The following NKAIN2 variants were observed in gnomAD, a reference collection of about 807,000 sequenced individuals.
NKAIN2 encodes the protein sodium/potassium transporting ATPase interacting 2.
A neutral mutation model predicts 32.6 loss-of-function variants in NKAIN2; 14 were observed. That is an observed-to-expected ratio of 0.43 (90% confidence interval 0.28 to 0.67). The LOEUF is 0.67. Ranked by LOEUF, NKAIN2 falls within the 30% of genes least tolerant of loss-of-function variation. The pLI is 0.17. For missense variants in NKAIN2, 198 were observed against 258.3 expected, an observed-to-expected ratio of 0.77 and a Z score of 1.60; for synonymous variants, 80 against 87.2, an observed-to-expected ratio of 0.92 and a Z score of 0.46.
intron 4 of NKAIN2, among the ~76,000 whole-genome samples, chr6:124,762,309 A>T (rs1301549706): frequency 6.6e-6 from 1 of 152,010 alleles, no homozygotes. Context: ...TCCTCTTCTC[A>T]TAAGGACATT....
At chr6:124,789,459 C>T (rs1189107627) in intron 4 of NKAIN2, among the ~76,000 whole-genome samples, 3 of 151,926 alleles carry the variant, frequency 2.0e-5, no homozygotes, top group East Asian at 1.9e-4. Context: ...ACCCATAGGC[C>T]GTTTACCTAG....
chr6:123,970,910 A>G (rs922283233), intron 1 of NKAIN2, among the ~76,000 whole-genome samples: 4 of 152,148 alleles, frequency 2.6e-5, no homozygotes, highest in African/African-American at 9.7e-5. Flanking sequence ...AGAAATATTT[A>G]TTTTTTAAGA....
intron 1 of NKAIN2, among the ~76,000 whole-genome samples, chr6:124,178,522 C>A (rs1435004646): frequency 1.3e-5 from 2 of 152,114 alleles, no homozygotes; most frequent in East Asian, 3.9e-4. Context: ...TGGTCTCAAT[C>A]TCCTGATCTT....
At chr6:123,968,854 C>A (rs1313625386) in intron 1 of NKAIN2, among the ~76,000 whole-genome samples, 1 of 152,134 alleles carries the variant, frequency 6.6e-6, no homozygotes, top group African/African-American at 2.4e-5. Context: ...TGAGCCTTCA[C>A]CCTCCTCAGA....
At chr6:124,300,694 A>G (rs1418826362) in intron 2 of NKAIN2, among the ~76,000 whole-genome samples, 1 of 152,198 alleles carries the variant, frequency 6.6e-6, no homozygotes, top group Non-Finnish European at 1.5e-5. Flanking sequence ...GTGGTCTCAG[A>G]TGGAGAGGAG....
chr6:124,415,834 T>A (rs1251898865), intron 3 of NKAIN2, among the ~76,000 whole-genome samples: 1 of 150,452 alleles, frequency 6.6e-6, no homozygotes, highest in Non-Finnish European at 1.5e-5. Context: ...ATAGGTTTCA[T>A]TGATTTTTAT....
At chr6:124,485,171 C>G (rs1562214501) in intron 3 of NKAIN2, among the ~76,000 whole-genome samples, 1 of 152,118 alleles carries the variant, frequency 6.6e-6, no homozygotes. Context: ...TGGGCCAGGA[C>G]CAGCAGCAGC....
At chr6:124,369,110 A>T (rs1314197622) in intron 3 of NKAIN2, among the ~76,000 whole-genome samples, 1 of 152,184 alleles carries the variant, frequency 6.6e-6, no homozygotes, top group Non-Finnish European at 1.5e-5. Context: ...CCAAGATAGT[A>T]TCCTGCTGGA....
chr6:124,349,098 C>T (rs570514894), intron 2 of NKAIN2, among the ~76,000 whole-genome samples: 4 of 152,122 alleles, frequency 2.6e-5, no homozygotes, highest in African/African-American at 7.2e-5. Flanking sequence ...AGGAAAAAAC[C>T]GGGTTCTTAT....
chr6:124,296,704 A>G (rs924905026), intron 2 of NKAIN2, among the ~76,000 whole-genome samples: 1 of 152,174 alleles, frequency 6.6e-6, no homozygotes. Context: ...TGATCTGTGG[A>G]TAAGTTATGG....
At chr6:124,116,846 T>C (rs1785640792) in intron 1 of NKAIN2, among the ~76,000 whole-genome samples, 1 of 152,114 alleles carries the variant, frequency 6.6e-6, no homozygotes, top group African/African-American at 2.4e-5. Context: ...AGATAATATG[T>C]AATCTTATTT....
intron 4 of NKAIN2, among the ~76,000 whole-genome samples, chr6:124,688,893 G>A (rs1774126495): frequency 6.6e-6 from 1 of 152,010 alleles, no homozygotes; most frequent in Admixed American, 6.6e-5. Context: ...GAACAACTTG[G>A]TTGCTTCCAA....
intron 1 of NKAIN2, among the ~76,000 whole-genome samples, chr6:124,211,945 T>C (rs1791198550): frequency 6.6e-6 from 1 of 152,106 alleles, no homozygotes; most frequent in African/African-American, 2.4e-5. Flanking sequence ...GTGGTAGTCA[T>C]GCTTAAAACT....
chr6:124,269,409 A>G lies in NKAIN2; in HGVS notation c.55-13596A>G, dbSNP rs570851754. Among the ~76,000 whole-genome samples the G allele has an allele frequency of 2.0e-5, 3 of 151,284 alleles. No homozygotes were observed. In the East Asian group the frequency reaches 5.9e-4, roughly 30 times the overall value. On this transcript the variant is annotated intron_variant, in intron 1 of 6. Coordinates refer to ENST00000368417, the MANE Select transcript of NKAIN2 (RefSeq NM_001040214.3). Reference sequence around the variant, plus strand: ...GCCATCTGAAATGATATTCTCTTGTAGTTCTGGTGGCAATTTCTTTTTCTT... The same window carrying G: ...GCCATCTGAAATGATATTCTCTTGTGGTTCTGGTGGCAATTTCTTTTTCTT...
At chr6:123,957,561 A>T (rs1777652590) in intron 1 of NKAIN2, among the ~76,000 whole-genome samples, 2 of 152,200 alleles carry the variant, frequency 1.3e-5, no homozygotes, top group Admixed American at 1.3e-4. Flanking sequence ...CTTGTAAGAA[A>T]TGATTATATA....
chr6:123,888,691 C>A (rs1773853373), intron 1 of NKAIN2, among the ~76,000 whole-genome samples: 1 of 152,008 alleles, frequency 6.6e-6, no homozygotes, highest in Non-Finnish European at 1.5e-5. Context: ...TCTTTGTTTT[C>A]TTTGGTTTTA....
chr6:123,989,365 T>C (rs962512162), intron 1 of NKAIN2, among the ~76,000 whole-genome samples: 1 of 152,180 alleles, frequency 6.6e-6, no homozygotes, highest in East Asian at 1.9e-4. Flanking sequence ...AATTGAGAAG[T>C]AGTTCAAGGA....
At chr6:124,416,739 C>G (rs1774504913) in intron 3 of NKAIN2, among the ~76,000 whole-genome samples, 1 of 152,128 alleles carries the variant, frequency 6.6e-6, no homozygotes, top group South Asian at 2.1e-4. Flanking sequence ...CACCCCTTCT[C>G]CTGCCCCTGT....
Position 124,121,942 on chromosome 6 carries a change from G to A in NKAIN2, c.55-161063G>A, listed in dbSNP as rs1054231822. 59 of 1,193,560 alleles carry A rather than the reference G, an allele frequency of 4.9e-5. No homozygotes were observed. The East Asian group carries it at 9.2e-4, about 19-fold the overall frequency. The allele number at this position is 1,193,560 out of a possible 1,614,324, so 73.9% of individuals were successfully genotyped here. On this transcript the variant is annotated intron_variant, in intron 1 of 6. Coordinates refer to ENST00000368417, the MANE Select transcript of NKAIN2 (RefSeq NM_001040214.3). Reference sequence around the variant, plus strand: ...ATATTGTCCCACAAATATCTTAACCGTGAGTTTTTCAGAGTAATATTTTTC... The same window carrying A: ...ATATTGTCCCACAAATATCTTAACCATGAGTTTTTCAGAGTAATATTTTTC...
Sources: allele counts gnomAD v4.1 joint callset (sites outside exome capture counted in the v4.1 genomes callset), GRCh38; gene constraint gnomAD v4.1.1; transcripts MANE v1.5; gene names NCBI Gene and HGNC (gene_info 2026-07-23, HGNC 2026-07-21).